Variants in OR1J2 observed in about 807,000 individuals in gnomAD.
The protein encoded by OR1J2 is olfactory receptor family 1 subfamily J member 2.
For missense variants in OR1J2, 304 were observed against 246.1 expected (o/e 1.24, Z -1.57); for synonymous variants, 142 against 99.7 (o/e 1.42, Z -2.52).
At chr9:122,498,466 T>C in the OR1J2 span, among the ~76,000 whole-genome samples, 1 of 152,138 alleles carries the variant, frequency 6.6e-6, no homozygotes, top group South Asian at 2.1e-4. Context: ...TTTAAGTGAG[T>C]TTTTCAACTC....
chr9:122,462,731 G>A, the OR1J2 span, among the ~76,000 whole-genome samples: 1 of 152,068 alleles, frequency 6.6e-6, no homozygotes, highest in Non-Finnish European at 1.5e-5. Context: ...TTTTGTTTAT[G>A]GAGGCTAAAA....
the OR1J2 span, among the ~76,000 whole-genome samples, chr9:122,462,646 T>C: frequency 6.6e-6 from 1 of 152,212 alleles, no homozygotes; most frequent in Non-Finnish European, 1.5e-5. Flanking sequence ...CATTTGTTTG[T>C]TTGAAAAAGA....
the OR1J2 span, chr9:122,567,808 T>A: frequency 6.2e-7 from 1 of 1,614,008 alleles, no homozygotes; most frequent in South Asian, 1.1e-5. Context: ...AGAACTGTAG[T>A]GAGGATTCGT....
chr9:122,461,601 G>A, the OR1J2 span, among the ~76,000 whole-genome samples: 1 of 151,936 alleles, frequency 6.6e-6, no homozygotes, highest in East Asian at 1.9e-4. Context: ...TTCCCTGAGG[G>A]TTTGATAGAT....
chr9:122,495,106 A>C, the OR1J2 span, among the ~76,000 whole-genome samples: 1 of 152,166 alleles, frequency 6.6e-6, no homozygotes, highest in Admixed American at 6.5e-5. Flanking sequence ...GTTGCCTCAC[A>C]GCTCTTAAGA....
chr9:122,566,004 G>C, the OR1J2 span, among the ~76,000 whole-genome samples: 3 of 152,138 alleles, frequency 2.0e-5, no homozygotes, highest in African/African-American at 7.2e-5. Flanking sequence ...GATCTATGGA[G>C]TATGATCCAA....
the OR1J2 span, among the ~76,000 whole-genome samples, chr9:122,547,655 G>GTGTGTT: frequency 6.7e-6 from 1 of 148,958 alleles, no homozygotes; most frequent in African/African-American, 2.5e-5. Context: ...GTGTGTGTGT[G>GTGTGTT]TGTACATACA....
the OR1J2 span, among the ~76,000 whole-genome samples, chr9:122,538,447 A>G: frequency 1.3e-5 from 2 of 150,620 alleles, no homozygotes; most frequent in African/African-American, 4.9e-5. Context: ...TTGTTGGTGT[A>G]TAGAGATGCA....
chr9:122,546,019 G>T, the OR1J2 span, among the ~76,000 whole-genome samples: 1 of 152,144 alleles, frequency 6.6e-6, no homozygotes, highest in East Asian at 1.9e-4. Flanking sequence ...ATTATGTTAG[G>T]CACGTGTGTG....
chr9:122,534,331 GAAT>G, the OR1J2 span, among the ~76,000 whole-genome samples: 1 of 152,170 alleles, frequency 6.6e-6, no homozygotes, highest in Admixed American at 6.5e-5. Context: ...TGTATATTGA[GAAT>G]AAGATGGTTT....
At chr9:122,465,202 A>G in the OR1J2 span, among the ~76,000 whole-genome samples, 2 of 152,126 alleles carry the variant, frequency 1.3e-5, no homozygotes, top group African/African-American at 4.8e-5. Flanking sequence ...CTCAAGAAAA[A>G]TTTTGCGCGT....
the OR1J2 span, among the ~76,000 whole-genome samples, chr9:122,485,998 C>T: frequency 8.1e-5 from 12 of 148,052 alleles, no homozygotes; most frequent in Admixed American, 8.2e-4. Context: ...CTCTGTCACT[C>T]AGGCTGGAGT....
At chr9:122,487,412 A>G in the OR1J2 span, among the ~76,000 whole-genome samples, 1 of 151,476 alleles carries the variant, frequency 6.6e-6, no homozygotes, top group Non-Finnish European at 1.5e-5. Context: ...TATATAAACC[A>G]CCTGGCACAT....
the OR1J2 span, among the ~76,000 whole-genome samples, chr9:122,521,099 C>A: frequency 2.0e-5 from 3 of 152,336 alleles, no homozygotes; most frequent in East Asian, 3.9e-4. Context: ...ACCTCAATTT[C>A]TTCTTCTGTA....
At chr9:122,490,891 G>A in the OR1J2 span, among the ~76,000 whole-genome samples, 1 of 152,170 alleles carries the variant, frequency 6.6e-6, no homozygotes, top group Non-Finnish European at 1.5e-5. Context: ...GTTCAGGAGT[G>A]GATAATGAGC....
the OR1J2 span, among the ~76,000 whole-genome samples, chr9:122,468,721 T>A: frequency 6.6e-6 from 1 of 152,300 alleles, no homozygotes; most frequent in South Asian, 2.1e-4. Context: ...GAGGAGATAG[T>A]CATGGGATTC....
At chr9:122,453,436 C>T in the OR1J2 span, among the ~76,000 whole-genome samples, 1 of 152,182 alleles carries the variant, frequency 6.6e-6, no homozygotes, top group Non-Finnish European at 1.5e-5. Flanking sequence ...CCTCCTAAGT[C>T]CCTCTTAGTA....
the OR1J2 span, among the ~76,000 whole-genome samples, chr9:122,545,069 T>C: frequency 6.6e-6 from 1 of 152,126 alleles, no homozygotes. Context: ...TTTTCTAATG[T>C]CCCTTAAATT....
the OR1J2 span, among the ~76,000 whole-genome samples, chr9:122,530,443 G>T: frequency 1.9e-3 from 288 of 152,332 alleles, 1 homozygote; most frequent in African/African-American, 6.5e-3. Flanking sequence ...GGAGTCATGG[G>T]ACAGAGTTCC....
Sources: allele counts gnomAD v4.1 joint callset (sites outside exome capture counted in the v4.1 genomes callset), GRCh38; gene constraint gnomAD v4.1.1; transcripts MANE v1.5; gene names NCBI Gene and HGNC (gene_info 2026-07-23, HGNC 2026-07-21).